The following SCARB1 variants were observed in gnomAD, a reference collection of about 807,000 sequenced individuals.
SCARB1 encodes CD36 and LIMPII analogous 1.
A neutral mutation model predicts 57.2 loss-of-function variants in SCARB1; 30 were observed. The ratio of observed to expected loss-of-function variants is 0.52; its 90% confidence interval spans 0.39 to 0.71. SCARB1 has a LOEUF of 0.71. Ranked by LOEUF, SCARB1 falls within the 30% of genes least tolerant of loss-of-function variation. The probability of loss-of-function intolerance (pLI) is 0.00; values close to 1 mark genes in which losing one functional copy is unlikely to be tolerated. For synonymous variants in SCARB1, 249 were observed against 268.3 expected, an observed-to-expected ratio of 0.93 and a Z score of 0.70; for missense variants, 543 against 671.2, an observed-to-expected ratio of 0.81 and a Z score of 2.11.
In SCARB1 at chr12:124,800,851, C is replaced by T. The variant is rs550098200; in HGVS notation, c.1010-609G>A. Among the ~76,000 whole-genome samples the T allele has an allele frequency of 6.2e-4, 95 of 152,266 alleles. 1 individual carries two copies. The highest frequency in any genetic ancestry group is 2.2e-3 in the African/African-American group (90 of 41,534). On this transcript the variant is annotated intron_variant, in intron 7 of 12. Coordinates refer to ENST00000261693, the MANE Select transcript of SCARB1 (RefSeq NM_005505.5). The surrounding 1 kb of genome is among the most constrained non-coding windows in gnomAD (Gnocchi z 4.8). Reference sequence around the variant, plus strand: ...AACCAGGCAAACACCAGCTCACCCTCGGGACAATGGACAACAGGCCTGAAG... The same window carrying T: ...AACCAGGCAAACACCAGCTCACCCTTGGGACAATGGACAACAGGCCTGAAG...
rs2135597422 is a variant in SCARB1 at position 124,800,590 on chromosome 12, C to T, written c.1010-348G>A. Among the ~76,000 whole-genome samples, 1 of 152,254 alleles carries T rather than the reference C, an allele frequency of 6.6e-6. No individual in the cohort carries two copies. Among genetic ancestry groups the T allele is most frequent in the Admixed American group, 6.5e-5 (1 of 15,288 alleles). ...CGTGGGGAGGGGGAAATGCATGGTG[C>T]ACAAGGGTGCTAGGGAGGCACGGAT... On this transcript the variant is annotated intron_variant, in intron 7 of 12. Transcript: ENST00000261693. The surrounding 1 kb of genome is among the most constrained non-coding windows in gnomAD (Gnocchi z 4.8).
At chr12:124,842,029 C>T (rs961469987) in intron 1 of SCARB1, among the ~76,000 whole-genome samples, 3 of 152,172 alleles carry the variant, frequency 2.0e-5, no homozygotes, top group African/African-American at 7.2e-5. Flanking sequence ...CCACTTCAGC[C>T]CTGGGGGTCC....
chr12:124,782,510 G>A (rs1321666265), intron 12 of SCARB1, among the ~76,000 whole-genome samples, 173 bp downstream of exon 12: 3 of 152,218 alleles, frequency 2.0e-5, no homozygotes, highest in Non-Finnish European at 4.4e-5. Context: ...TCAGAACATA[G>A]GAAGGGCAGT....
intron 1 of SCARB1, among the ~76,000 whole-genome samples, chr12:124,856,688 C>T (rs1189285956): frequency 6.6e-6 from 1 of 152,210 alleles, no homozygotes; most frequent in Non-Finnish European, 1.5e-5. Flanking sequence ...CCCCACATGT[C>T]CAAACAAGGG....
rs991996668 is a variant in SCARB1 at position 124,782,539 on chromosome 12, C to A, written c.*144G>T. 16 of 832,650 alleles carry A rather than the reference C, an allele frequency of 1.9e-5. No homozygotes were observed. In the African/African-American group the frequency reaches 2.4e-4, roughly 12 times the overall value. 51.6% of individuals were successfully genotyped at this position (832,650 alleles called of 1,614,324 possible). A position where few individuals can be genotyped will look rare whatever the true frequency, so the allele number is the denominator to read the frequency against. ...GGGCAGTTTCTCCAAAAGCAAAATA[C>A]ACAAATATGCATCTTCAGTCTGTAG... On this transcript the variant is annotated intron_variant, in intron 12 of 12. Coordinates refer to ENST00000261693, the MANE Select transcript of SCARB1 (RefSeq NM_005505.5).
rs560128039 is a variant in SCARB1 at position 124,808,051 on chromosome 12, C to A, written c.843-124G>T. 3 of 898,798 alleles carry A rather than the reference C, an allele frequency of 3.3e-6. No homozygotes were observed. The East Asian group carries it at 7.7e-5, about 23-fold the overall frequency. The allele number at this position is 898,798 out of a possible 1,614,324, so 55.7% of individuals were successfully genotyped here. ...GCGCTACCACCTCCCGGGTCCAAAC[C>A]GCCCCCATCTCTCACCCGCGGAGCT... is the stretch of plus-strand genomic sequence containing the variant. On this transcript the variant is annotated intron_variant, in intron 6 of 12. Transcript: ENST00000261693.
intron 9 of SCARB1, 28 bp from the exon 10 acceptor site, chr12:124,787,485 GA>G: frequency 6.2e-7 from 1 of 1,605,090 alleles, no homozygotes; most frequent in Non-Finnish European, 8.5e-7. Context: ...ATAGCTGTGT[GA>G]AACAAAGTCT....
chr12:124,801,672 C>T (rs910316077), intron 7 of SCARB1, among the ~76,000 whole-genome samples: 1 of 151,786 alleles, frequency 6.6e-6, no homozygotes, highest in African/African-American at 2.4e-5. Flanking sequence ...CCCAGCTACT[C>T]GGGAGGCTGA....
At position 124,807,799 on chromosome 12, in the gene SCARB1, A is replaced by G. The variant is rs1475526692; in HGVS notation, c.971T>C (p.Leu324Pro). ...YPPNEGFCPC[L>P]ESGIQNVSTC... ...GCTGACGTTCTGAATTCCAGACTCC[A>G]GGCACGGGCAGAAGCCTTCGTTGGG... The change falls in exon 7 of 13, where the codon CTG becomes CCG. Residue 324 changes from leucine (L) to proline (P), a missense_variant. By Grantham distance (98) the Leu-to-Pro change is moderately conservative. Coordinates refer to ENST00000261693, the MANE Select transcript of SCARB1 (RefSeq NM_005505.5). This position sits in a 1 kb window ranked among gnomAD's most constrained non-coding sequence, Gnocchi z 5.3. 1 of 1,614,138 alleles carries G rather than the reference A, an allele frequency of 6.2e-7. No individual in the cohort carries two copies. The highest frequency in any genetic ancestry group is 2.2e-5 in the East Asian group (1 of 44,878).
intron 1 of SCARB1, among the ~76,000 whole-genome samples, chr12:124,818,349 C>G (rs1950820546): frequency 6.6e-6 from 1 of 152,212 alleles, no homozygotes; most frequent in African/African-American, 2.4e-5. Context: ...GGCACCATGG[C>G]TCATGCCTGT....
chr12:124,835,799 C>A lies in SCARB1; in HGVS notation c.127-18092G>T, dbSNP rs368854145. On this transcript the variant is annotated intron_variant, in intron 1 of 12. Transcript: ENST00000261693. The stretch of plus-strand genomic sequence containing the variant: ...AAACCAGCAGGTAAATTCCTGCCTT[C>A]TGGCTTCTTTTGGGAACCTGGGTGA... 1.8e-4 allele frequency among the ~76,000 whole-genome samples: 28 copies of A among 152,334 alleles called. No homozygotes were observed. The East Asian group carries it at 3.1e-3, about 17-fold the overall frequency.
At position 124,824,526 on chromosome 12, in the gene SCARB1, G is replaced by A. The variant is rs1042051301; in HGVS notation, c.127-6819C>T. Reference sequence around the variant, plus strand: ...TGTAAATGGTTTTGGTGAATTTTACGTTAACTGGATCTTAATCACAATTTC... The same window carrying A: ...TGTAAATGGTTTTGGTGAATTTTACATTAACTGGATCTTAATCACAATTTC... On this transcript the variant is annotated intron_variant, in intron 1 of 12. Coordinates refer to ENST00000261693, the MANE Select transcript of SCARB1 (RefSeq NM_005505.5). Among the ~76,000 whole-genome samples, 9 of 152,352 alleles carry A rather than the reference G, an allele frequency of 5.9e-5. No individual in the cohort carries two copies. In the East Asian group the frequency reaches 1.5e-3, roughly 26 times the overall value.
At chr12:124,828,553 G>A (rs1951261148) in intron 1 of SCARB1, among the ~76,000 whole-genome samples, 1 of 152,194 alleles carries the variant, frequency 6.6e-6, no homozygotes, top group African/African-American at 2.4e-5. Context: ...TTCAGGTAGC[G>A]AAACACTTCC....
intron 12 of SCARB1, among the ~76,000 whole-genome samples, chr12:124,781,175 C>T (rs898997719): frequency 5.9e-5 from 9 of 152,220 alleles, no homozygotes; most frequent in Non-Finnish European, 1.3e-4. Flanking sequence ...GGGCTGGCAG[C>T]GCCTGCCAAC....
rs532912672 is a variant in SCARB1, at chr12:124,810,897, T to G, written c.727-608A>C. ...TCTATCGTGAATGGCTACTGCCAGT[T>G]GCAGATGGTGATTTTTGCCACTCTG... is the stretch of plus-strand genomic sequence containing the variant. On this transcript the variant is annotated intron_variant, in intron 5 of 12. Coordinates refer to ENST00000261693, the MANE Select transcript of SCARB1 (RefSeq NM_005505.5). This position sits in a 1 kb window ranked among gnomAD's most constrained non-coding sequence, Gnocchi z 4.0. Among the ~76,000 whole-genome samples, 3 of 152,360 alleles carry G rather than the reference T, an allele frequency of 2.0e-5. 1 individual carries two copies. The highest frequency in any genetic ancestry group is 7.2e-5 in the African/African-American group (3 of 41,584).
Position 124,791,903 on chromosome 12 carries a change from G to A in SCARB1, c.1202+3292C>T, listed in dbSNP as rs576235478. Among the ~76,000 whole-genome samples the A allele has an allele frequency of 4.8e-4, 73 of 151,590 alleles. 1 individual carries two copies. Among genetic ancestry groups the A allele is most frequent in the African/African-American group, 1.6e-3 (64 of 41,194 alleles). ...CCCGAGGCGGAGGTTGCAGTGAGCC[G>A]AAATCGCGCCATTGTACTCCAGCCT... On this transcript the variant is annotated intron_variant, in intron 9 of 12. Transcript: ENST00000261693.
chr12:124,856,662 C>A (rs1459739215), intron 1 of SCARB1, among the ~76,000 whole-genome samples: 1 of 152,232 alleles, frequency 6.6e-6, no homozygotes, highest in African/African-American at 2.4e-5. Flanking sequence ...GCCCAGTGAT[C>A]AGTTCTAGGG....
intron 1 of SCARB1, chr12:124,821,236 TCACACACACACACACA>T (rs60380028): frequency 3.1e-5 from 6 of 192,766 alleles, no homozygotes; most frequent in Non-Finnish European, 5.6e-5. Context: ...AGACTCCATC[TCACACACACACACACA>T]CACACACGCA....
chr12:124,834,362 C>T (rs1238610518), intron 1 of SCARB1, among the ~76,000 whole-genome samples: 1 of 152,210 alleles, frequency 6.6e-6, no homozygotes, highest in Non-Finnish European at 1.5e-5. Flanking sequence ...GGTCCCTGAG[C>T]CACAGCCCCT....
Sources: gnomAD v4.1 joint callset for allele counts (sites outside exome capture counted in the v4.1 genomes callset) on GRCh38, gnomAD v4.1.1 for gene constraint, Gnocchi (gnomAD v3.1) non-coding constraint, MANE v1.5 for transcripts, NCBI Gene and HGNC (gene_info 2026-07-23, HGNC 2026-07-21) for gene names.